Variants in TAFA1 observed in about 807,000 individuals in gnomAD.
TAFA1 encodes TAFA chemokine like family member 1.
TAFA1 carries 4 observed loss-of-function variants against 18.5 expected under a neutral mutation model. The observed-to-expected ratio is 0.22, with a 90% CI of 0.11 to 0.49. The LOEUF is 0.49. Ranked by LOEUF, TAFA1 falls within the 20% of genes least tolerant of loss-of-function variation. The pLI is 0.98. For synonymous variants in TAFA1, 56 were observed against 55.2 expected (o/e 1.01, Z -0.06); for missense variants, 147 against 169.0 (o/e 0.87, Z 0.72).
chr3:68,008,823 C>T (rs72626932), intron 2 of TAFA1, among the ~76,000 whole-genome samples: 1 of 152,030 alleles, frequency 6.6e-6, no homozygotes. Context: ...AGGCAGGGCT[C>T]GGGGCTGGCC....
intron 2 of TAFA1, among the ~76,000 whole-genome samples, chr3:68,169,675 T>C (rs4519709): frequency 0.19 from 29,172 of 152,272 alleles, 3,164 homozygotes; most frequent in Middle Eastern, 0.29. Context: ...TGATGCACAC[T>C]AAACTTCATG....
intron 2 of TAFA1, among the ~76,000 whole-genome samples, chr3:68,377,069 C>T (rs78599173): frequency 0.026 from 3,906 of 152,286 alleles, 73 homozygotes; most frequent in East Asian, 0.093. Flanking sequence ...GTCAATTAAA[C>T]ATCTTTTCTT....
chr3:68,505,893 T>A (rs904321686), intron 3 of TAFA1, among the ~76,000 whole-genome samples: 25 of 151,510 alleles, frequency 1.7e-4, no homozygotes, highest in East Asian at 9.8e-4. Context: ...TCTTTTTTTT[T>A]TTATTATTAT....
At chr3:68,025,595 G>T (rs1301818363) in intron 2 of TAFA1, among the ~76,000 whole-genome samples, 1 of 152,108 alleles carries the variant, frequency 6.6e-6, no homozygotes, top group African/African-American at 2.4e-5. Context: ...TATCTCCACA[G>T]CATCTTCTCC....
chr3:68,393,900 C>T (rs1251338024), intron 2 of TAFA1, among the ~76,000 whole-genome samples: 2 of 151,994 alleles, frequency 1.3e-5, no homozygotes, highest in Non-Finnish European at 2.9e-5. Flanking sequence ...AAACCACAGC[C>T]AATATCATAC....
chr3:68,098,159 G>A (rs1423024446), intron 2 of TAFA1, among the ~76,000 whole-genome samples: 1 of 152,140 alleles, frequency 6.6e-6, no homozygotes, highest in Non-Finnish European at 1.5e-5. Flanking sequence ...AGTAGATTCA[G>A]TGTTTTAACA....
chr3:68,162,363 C>T (rs531080964), intron 2 of TAFA1, among the ~76,000 whole-genome samples: 2 of 152,204 alleles, frequency 1.3e-5, no homozygotes, highest in African/African-American at 4.8e-5. Flanking sequence ...AAAGAGTGTG[C>T]AGCCTTGATT....
chr3:68,538,806 G>A lies in TAFA1; in HGVS notation c.310G>A (p.Gly104Arg), dbSNP rs866956682. 6.2e-7 allele frequency: 1 copy of A among 1,613,568 alleles called. No homozygotes were observed. Among genetic ancestry groups the A allele is most frequent in the Non-Finnish European group, 8.5e-7 (1 of 1,179,628 alleles). The change falls in exon 4 of 5, where the codon GGA (glycine) becomes AGA (arginine). Residue 104 changes from glycine (G) to arginine (R), a missense_variant. Gly to Arg is a moderately radical substitution (Grantham distance 125). Coordinates refer to ENST00000478136, the MANE Select transcript of TAFA1 (RefSeq NM_213609.4). ...GTGTGAGATGGAGCCTTGCCTAGAA[G>A]GAGAAGAATGTAAGACACTCCCTGA... is the stretch of plus-strand genomic sequence containing the variant. ...WWCEMEPCLE[G>R]EECKTLPDNS...
In TAFA1 at chr3:68,301,847, A is replaced by G. The variant is rs867310804; in HGVS notation, c.119-115433A>G. Among the ~76,000 whole-genome samples, 5 of 152,368 alleles carry G rather than the reference A, an allele frequency of 3.3e-5. No homozygotes were observed. In the South Asian group the frequency reaches 1.0e-3, roughly 32 times the overall value. On this transcript the variant is annotated intron_variant, in intron 2 of 4. Transcript: ENST00000478136. Reference sequence around the variant, plus strand: ...AGACCAAGTTGAAAGATTGTGTTTCAGAATGATAGCATTGATTGAATGTAC... The same window carrying G: ...AGACCAAGTTGAAAGATTGTGTTTCGGAATGATAGCATTGATTGAATGTAC...
chr3:68,247,681 G>A (rs935866662), intron 2 of TAFA1: 2 of 152,212 alleles, frequency 1.3e-5, no homozygotes, highest in African/African-American at 4.8e-5. Context: ...CAATCTGAAT[G>A]CAGTCCTGTA....
intron 2 of TAFA1, among the ~76,000 whole-genome samples, chr3:68,081,915 G>T (rs1029653506): frequency 6.6e-6 from 1 of 152,170 alleles, no homozygotes; most frequent in Non-Finnish European, 1.5e-5. Context: ...TCCCAGCCTC[G>T]CTGCCACCTT....
At chr3:68,394,356 C>T (rs758179097) in intron 2 of TAFA1, among the ~76,000 whole-genome samples, 2 of 152,070 alleles carry the variant, frequency 1.3e-5, no homozygotes, top group South Asian at 2.1e-4. Context: ...GAATCAATAT[C>T]GTGAAAATGG....
chr3:68,015,685 T>G (rs78311557), intron 2 of TAFA1, among the ~76,000 whole-genome samples: 2,295 of 152,352 alleles, frequency 0.015, 42 homozygotes, highest in Middle Eastern at 0.027. Context: ...GTAAAACTCT[T>G]AATTTAATAC....
At chr3:68,264,511 T>G (rs935390594) in intron 2 of TAFA1, among the ~76,000 whole-genome samples, 8 of 152,174 alleles carry the variant, frequency 5.3e-5, no homozygotes, top group African/African-American at 1.2e-4. Flanking sequence ...AGTTAACTTA[T>G]AAAATTTCAA....
In TAFA1 at chr3:68,212,132, A is replaced by G. The variant is rs145803625; in HGVS notation, c.119-205148A>G. On this transcript the variant is annotated intron_variant, in intron 2 of 4. Coordinates refer to ENST00000478136, the MANE Select transcript of TAFA1 (RefSeq NM_213609.4). The stretch of plus-strand genomic sequence containing the variant: ...TGAAGAGACAGCATTTGACTCAAGA[A>G]CAACAGCCTGAGTATGAGCCTGTAA... 1.2e-3 allele frequency among the ~76,000 whole-genome samples: 185 copies of G among 152,050 alleles called. 1 individual carries two copies. Among genetic ancestry groups the G allele is most frequent in the African/African-American group, 4.1e-3 (172 of 41,494 alleles).
chr3:68,315,685 A>T (rs2068595165), intron 2 of TAFA1, among the ~76,000 whole-genome samples: 1 of 152,212 alleles, frequency 6.6e-6, no homozygotes, highest in South Asian at 2.1e-4. Flanking sequence ...ACACTATGCA[A>T]ATTGTGTTTA....
At chr3:68,386,536 TAGCCTGACAATCCTGGAGG>T (rs563309587) in intron 2 of TAFA1, among the ~76,000 whole-genome samples, 321 of 152,286 alleles carry the variant, frequency 2.1e-3, no homozygotes, top group African/African-American at 7.5e-3. Context: ...GCACATGATC[TAGCCTGACAATCCTGGAGG>T]AGACTGGCCT....
At chr3:68,011,499 T>A (rs538343067) in intron 2 of TAFA1, among the ~76,000 whole-genome samples, 1 of 152,336 alleles carries the variant, frequency 6.6e-6, no homozygotes, top group Non-Finnish European at 1.5e-5. Flanking sequence ...TGTTAAAATA[T>A]TAAAAAGCAT....
chr3:68,027,117 C>A (rs1041936690), intron 2 of TAFA1, among the ~76,000 whole-genome samples: 4 of 152,070 alleles, frequency 2.6e-5, no homozygotes, highest in Non-Finnish European at 4.4e-5. Flanking sequence ...CCTGCATGAT[C>A]CAATCACCTC....
Sources: gnomAD v4.1 joint callset for allele counts (sites outside exome capture counted in the v4.1 genomes callset) on GRCh38, gnomAD v4.1.1 for gene constraint, MANE v1.5 for transcripts, NCBI Gene and HGNC (gene_info 2026-07-23, HGNC 2026-07-21) for gene names.